The following SLCO1A2 variants were observed in gnomAD, a reference collection of about 807,000 sequenced individuals.
SLCO1A2 encodes solute carrier organic anion transporter family member 1A2.
In SLCO1A2, 67 loss-of-function variants were observed where a neutral mutation model predicts 69.0. The observed-to-expected ratio is 0.97, with a 90% CI of 0.80 to 1.19. The LOEUF is 1.19. Among genes scored for constraint, SLCO1A2 ranks in the 50% most tolerant of loss-of-function variants. SLCO1A2 has a pLI of 0.00. For synonymous variants in SLCO1A2, 260 were observed against 265.9 expected, an observed-to-expected ratio of 0.98 and a Z score of 0.22; for missense variants, 787 against 793.7, an observed-to-expected ratio of 0.99 and a Z score of 0.10.
At chr12:21,396,722 T>A (rs1267117784), upstream of SLCO1A2, among the ~76,000 whole-genome samples, 9 of 152,112 alleles carry the variant, frequency 5.9e-5, no homozygotes, top group South Asian at 2.1e-4. Context: ...AATATTCAAA[T>A]TTCTTAAAGA....
chr12:21,406,942 T>A (rs1941832039), intron 1 of SLCO1A2, among the ~76,000 whole-genome samples: 1 of 152,164 alleles, frequency 6.6e-6, no homozygotes. Flanking sequence ...ATATCCCATC[T>A]TTTCTCAAAA....
At chr12:21,314,757 C>T in intron 3 of SLCO1A2, 76 bp from the exon 4 acceptor site, 6 of 1,082,910 alleles carry the variant, frequency 5.5e-6, no homozygotes, top group Non-Finnish European at 8.2e-6. Flanking sequence ...CAATCATTTA[C>T]ATTCTAGCAT....
At chr12:21,302,152 T>A (rs1948793135) in intron 6 of SLCO1A2, among the ~76,000 whole-genome samples, 1 of 152,122 alleles carries the variant, frequency 6.6e-6, no homozygotes, top group Non-Finnish European at 1.5e-5. Context: ...AAATCCACCC[T>A]GCTTTCTCTC....
At chr12:21,357,174 C>T (rs1372935485) in intron 2 of SLCO1A2, among the ~76,000 whole-genome samples, 1 of 152,074 alleles carries the variant, frequency 6.6e-6, no homozygotes, top group Non-Finnish European at 1.5e-5. Context: ...AGAATGAAAC[C>T]ACATTTGTAA....
chr12:21,278,085 A>G (rs1342643164), intron 12 of SLCO1A2, among the ~76,000 whole-genome samples: 2 of 152,126 alleles, frequency 1.3e-5, no homozygotes, highest in Non-Finnish European at 2.9e-5. Flanking sequence ...TGCCTTAAGT[A>G]AACGTCAGTG....
chr12:21,341,963 C>T (rs368335926), intron 2 of SLCO1A2, among the ~76,000 whole-genome samples: 2 of 151,956 alleles, frequency 1.3e-5, no homozygotes, highest in Non-Finnish European at 2.9e-5. Context: ...GAGGATTAAT[C>T]GATGAGCATG....
At chr12:21,275,648 C>G (rs556434898) in intron 12 of SLCO1A2, among the ~76,000 whole-genome samples, 6 of 152,014 alleles carry the variant, frequency 3.9e-5, no homozygotes, top group African/African-American at 1.4e-4. Context: ...CTTATTAATA[C>G]CTATTTTATT....
chr12:21,310,825 G>C (rs549255053), intron 4 of SLCO1A2, among the ~76,000 whole-genome samples: 141 of 152,222 alleles, frequency 9.3e-4, no homozygotes, highest in Middle Eastern at 6.8e-3. Context: ...GGATGGTCTT[G>C]ATCTCCTGAC....
At chr12:21,418,091 C>G (rs1463875490), upstream of SLCO1A2, 2 of 152,116 alleles carry the variant, frequency 1.3e-5, no homozygotes, top group Non-Finnish European at 1.5e-5. Flanking sequence ...AAGAGCAATA[C>G]TAGGATTTGG....
chr12:21,418,654 G>A (rs1301567746), upstream of SLCO1A2, among the ~76,000 whole-genome samples: 2 of 152,096 alleles, frequency 1.3e-5, no homozygotes, highest in East Asian at 1.9e-4. Flanking sequence ...GATGGAAACT[G>A]CCCCGTGATT....
intron 3 of SLCO1A2, 96 bp downstream of exon 3, chr12:21,318,686 A>T: frequency 9.6e-7 from 1 of 1,044,080 alleles, no homozygotes; most frequent in South Asian, 1.8e-5. Context: ...GGTCAGATTA[A>T]ATGACCTAAA....
At chr12:21,385,606 T>C (rs1206389346) in intron 1 of SLCO1A2, among the ~76,000 whole-genome samples, 4 of 152,204 alleles carry the variant, frequency 2.6e-5, no homozygotes, top group Admixed American at 6.5e-5. Flanking sequence ...GAGAAGGGCA[T>C]GAAGGAGTCC....
At chr12:21,288,641 C>T (rs1946351599) in intron 12 of SLCO1A2, among the ~76,000 whole-genome samples, 1 of 151,956 alleles carries the variant, frequency 6.6e-6, no homozygotes, top group Admixed American at 6.6e-5. Flanking sequence ...TTTACTCGTA[C>T]ATTTTAAAAT....
intron 14 of SLCO1A2, among the ~76,000 whole-genome samples, chr12:21,270,026 A>C (rs1464359487): frequency 1.3e-5 from 2 of 151,766 alleles, no homozygotes; most frequent in East Asian, 3.9e-4. Flanking sequence ...TGTTATAACT[A>C]ACTAGTTTTT....
chr12:21,326,896 C>A (rs983968362), intron 2 of SLCO1A2, among the ~76,000 whole-genome samples: 3 of 152,030 alleles, frequency 2.0e-5, no homozygotes, highest in Non-Finnish European at 4.4e-5. Context: ...AAGGAAAAAC[C>A]CATTTTCTGA....
At chr12:21,370,936 T>A (rs1939740866) in intron 2 of SLCO1A2, among the ~76,000 whole-genome samples, 1 of 152,150 alleles carries the variant, frequency 6.6e-6, no homozygotes, top group Non-Finnish European at 1.5e-5. Context: ...CAGGGGCAAG[T>A]TGGAGGTAGA....
chr12:21,411,676 T>C (rs1941909127), intron 1 of SLCO1A2, among the ~76,000 whole-genome samples: 1 of 130,814 alleles, frequency 7.6e-6, no homozygotes, highest in African/African-American at 2.8e-5. Flanking sequence ...GGAAGAAATG[T>C]CATCAGTATA....
chr12:21,395,682 G>C (rs940228729), upstream of SLCO1A2, among the ~76,000 whole-genome samples: 26 of 152,284 alleles, frequency 1.7e-4, no homozygotes, highest in East Asian at 9.7e-4. Flanking sequence ...ATCTGAGAAC[G>C]GGCAGACTGC....
At chr12:21,361,537 T>C (rs190939047) in intron 2 of SLCO1A2, among the ~76,000 whole-genome samples, 2 of 152,310 alleles carry the variant, frequency 1.3e-5, no homozygotes, top group African/African-American at 4.8e-5. Flanking sequence ...GGACAGAGAA[T>C]GACTTTGACG....
Sources: gnomAD v4.1 joint callset for allele counts (sites outside exome capture counted in the v4.1 genomes callset) on GRCh38, gnomAD v4.1.1 for gene constraint, MANE v1.5 for transcripts, NCBI Gene and HGNC (gene_info 2026-07-23, HGNC 2026-07-21) for gene names.